NKAIN2: variants seen among roughly 807,000 people sequenced by gnomAD.
The protein encoded by NKAIN2 is sodium/potassium-transporting ATPase subunit beta-1-interacting protein 2.
Under a neutral mutation model 32.6 loss-of-function variants are expected in NKAIN2, and 14 were observed. That is an observed-to-expected ratio of 0.43 (90% CI 0.28 to 0.67). NKAIN2 has a LOEUF of 0.67. Ranked by LOEUF, NKAIN2 falls within the 30% of genes least tolerant of loss-of-function variation. The probability of loss-of-function intolerance (pLI) is 0.17; values close to 1 mark genes in which losing one functional copy is unlikely to be tolerated. For synonymous variants in NKAIN2, 80 were observed against 87.2 expected, an observed-to-expected ratio of 0.92 and a Z score of 0.46; for missense variants, 198 against 258.3, an observed-to-expected ratio of 0.77 and a Z score of 1.60.
intron 4 of NKAIN2, among the ~76,000 whole-genome samples, chr6:124,790,289 A>G (rs1779690277): frequency 6.6e-6 from 1 of 152,060 alleles, no homozygotes; most frequent in African/African-American, 2.4e-5. Context: ...CCAGAAGATC[A>G]CTATCTGTCA....
intron 1 of NKAIN2, among the ~76,000 whole-genome samples, chr6:124,133,259 G>A (rs1004151500): frequency 6.6e-5 from 10 of 152,184 alleles, no homozygotes; most frequent in African/African-American, 9.7e-5. Context: ...CAGAGTCACC[G>A]TTCCTCCCTA....
At position 123,804,084 on chromosome 6, in the gene NKAIN2, G is replaced by C. The variant is rs1028436072; in HGVS notation, c.-117G>C. Reference sequence around the variant, plus strand: ...GGACGCTGGCAGCAGCAGCAGCCCGGAGCCCCCGAGCCCTCGGCAGGTTTG... The same window carrying C: ...GGACGCTGGCAGCAGCAGCAGCCCGCAGCCCCCGAGCCCTCGGCAGGTTTG... On this transcript the variant is annotated 5_prime_UTR_variant, in exon 1 of 7. Coordinates refer to ENST00000368417, the MANE Select transcript of NKAIN2 (RefSeq NM_001040214.3). The C allele has an allele frequency of 2.3e-5, 21 of 912,568 alleles. No individual in the cohort carries two copies. In the Admixed American group the frequency reaches 2.4e-4, roughly 10 times the overall value. 56.5% of individuals were successfully genotyped at this position (912,568 alleles called of 1,614,324 possible).
rs868651459 is a variant in NKAIN2 at position 124,167,214 on chromosome 6, T to C, written c.55-115791T>C. On this transcript the variant is annotated intron_variant, in intron 1 of 6. Coordinates refer to ENST00000368417, the MANE Select transcript of NKAIN2 (RefSeq NM_001040214.3). ...TTCCTTGAGCAGTGGTTTGTAGTTC[T>C]CCTTGAAGAGGTCCTTCATGTCCCT... 5.6e-3 allele frequency among the ~76,000 whole-genome samples: 846 copies of C among 150,640 alleles called. 3 individuals carry two copies. Among genetic ancestry groups the C allele is most frequent in the Non-Finnish European group, 7.4e-3 (499 of 67,640 alleles).
chr6:123,965,699 A>C (rs1356477797), intron 1 of NKAIN2, among the ~76,000 whole-genome samples: 3 of 152,160 alleles, frequency 2.0e-5, no homozygotes, highest in African/African-American at 4.8e-5. Context: ...TCCCTATCAG[A>C]ATACTATCTA....
At chr6:124,137,212 C>A (rs2114304243) in intron 1 of NKAIN2, among the ~76,000 whole-genome samples, 1 of 152,162 alleles carries the variant, frequency 6.6e-6, no homozygotes, top group African/African-American at 2.4e-5. Flanking sequence ...TATACACCAA[C>A]AACAACCAAA....
At chr6:124,484,034 T>TAG (rs1159115456) in intron 3 of NKAIN2, among the ~76,000 whole-genome samples, 1 of 152,338 alleles carries the variant, frequency 6.6e-6, no homozygotes, top group East Asian at 1.9e-4. Context: ...AGCACCATAC[T>TAG]AGAGTCACTG....
intron 3 of NKAIN2, among the ~76,000 whole-genome samples, chr6:124,360,669 G>T (rs1485690806): frequency 1.3e-5 from 2 of 151,918 alleles, no homozygotes; most frequent in African/African-American, 4.8e-5. Flanking sequence ...ACAAAATGAT[G>T]GGAATATAGT....
chr6:124,344,051 G>A (rs1420390953), intron 2 of NKAIN2, among the ~76,000 whole-genome samples: 2 of 151,982 alleles, frequency 1.3e-5, no homozygotes, highest in Non-Finnish European at 2.9e-5. Flanking sequence ...TCTCCATATG[G>A]CTAGCCAGTT....
At chr6:124,284,495 T>A (rs1795453724) in intron 2 of NKAIN2, among the ~76,000 whole-genome samples, 1 of 152,096 alleles carries the variant, frequency 6.6e-6, no homozygotes, top group African/African-American at 2.4e-5. Flanking sequence ...ATGAAAAAAA[T>A]TTAACTTACC....
intron 2 of NKAIN2, among the ~76,000 whole-genome samples, chr6:124,306,801 A>G (rs1419045932): frequency 6.6e-6 from 1 of 152,302 alleles, no homozygotes; most frequent in Non-Finnish European, 1.5e-5. Context: ...GCCATTATTC[A>G]GAACTGTATG....
At chr6:124,215,100 TA>T (rs1791398128) in intron 1 of NKAIN2, among the ~76,000 whole-genome samples, 2 of 152,014 alleles carry the variant, frequency 1.3e-5, no homozygotes, top group Admixed American at 6.6e-5. Context: ...ATAATGATAT[TA>T]AAAAAACAAT....
chr6:124,576,471 T>C (rs569186611), intron 3 of NKAIN2, among the ~76,000 whole-genome samples: 17 of 152,224 alleles, frequency 1.1e-4, no homozygotes, highest in Non-Finnish European at 2.4e-4. Context: ...CGAACCACAC[T>C]GGGCTGGACA....
At chr6:124,614,621 G>A (rs1001746133) in intron 3 of NKAIN2, among the ~76,000 whole-genome samples, 1 of 152,072 alleles carries the variant, frequency 6.6e-6, no homozygotes, top group African/African-American at 2.4e-5. Context: ...TCTTCCCCAA[G>A]GCTGGATGGT....
chr6:124,243,681 T>C (rs1793232293), intron 1 of NKAIN2, among the ~76,000 whole-genome samples: 1 of 152,046 alleles, frequency 6.6e-6, no homozygotes, highest in Non-Finnish European at 1.5e-5. Context: ...AACTGTATGA[T>C]TCCTCAGTAT....
chr6:124,135,770 G>A (rs563623432), intron 1 of NKAIN2, among the ~76,000 whole-genome samples: 6 of 152,150 alleles, frequency 3.9e-5, no homozygotes, highest in African/African-American at 1.2e-4. Flanking sequence ...ATAAACTGCT[G>A]TTGAATGATC....
intron 4 of NKAIN2, among the ~76,000 whole-genome samples, chr6:124,789,455 A>G (rs545376498): frequency 1.1e-3 from 168 of 152,216 alleles, no homozygotes; most frequent in Non-Finnish European, 2.1e-3. Flanking sequence ...CCAAACCCAT[A>G]GGCCGTTTAC....
intron 3 of NKAIN2, among the ~76,000 whole-genome samples, chr6:124,622,505 C>T (rs1272197107): frequency 6.6e-6 from 1 of 152,192 alleles, no homozygotes; most frequent in Non-Finnish European, 1.5e-5. Flanking sequence ...CAGCAGACAG[C>T]TTTAAGAGTT....
chr6:124,212,808 C>CT (rs1791258750), intron 1 of NKAIN2, among the ~76,000 whole-genome samples: 1 of 151,828 alleles, frequency 6.6e-6, no homozygotes, highest in Non-Finnish European at 1.5e-5. Flanking sequence ...TTGATTGATT[C>CT]TTTTGTTGAG....
chr6:124,371,995 G>A (rs1381823104), intron 3 of NKAIN2, among the ~76,000 whole-genome samples: 1 of 152,004 alleles, frequency 6.6e-6, no homozygotes, highest in Non-Finnish European at 1.5e-5. Context: ...ACAAACCCTA[G>A]TATTTTCTCT....
Sources: allele counts gnomAD v4.1 joint callset (sites outside exome capture counted in the v4.1 genomes callset), GRCh38; gene constraint gnomAD v4.1.1; transcripts MANE v1.5; gene names NCBI Gene and HGNC (gene_info 2026-07-23, HGNC 2026-07-21).